Variants in FGF14 observed in about 807,000 individuals in gnomAD.
FGF14 encodes fibroblast growth factor homologous factor 4.
FGF14 carries 5 observed loss-of-function variants against 25.5 expected under a neutral mutation model. The observed-to-expected ratio is 0.20, with a 90% confidence interval of 0.10 to 0.41. FGF14 has a LOEUF of 0.41. FGF14 is among the 10% of genes least tolerant of loss of function. The pLI is 1.00. For synonymous variants in FGF14, 138 were observed against 118.3 expected, an observed-to-expected ratio of 1.17 and a Z score of -1.08; for missense variants, 222 against 320.1, an observed-to-expected ratio of 0.69 and a Z score of 2.34.
intron 1 of FGF14, among the ~76,000 whole-genome samples, chr13:102,358,047 G>GA (rs1214769993): frequency 1.3e-5 from 2 of 151,974 alleles, no homozygotes; most frequent in African/African-American, 4.8e-5. Context: ...CTCACATCAG[G>GA]AAAATCTTAT....
chr13:101,871,014 G>T (rs1238030779), intron 2 of FGF14, among the ~76,000 whole-genome samples: 2 of 148,102 alleles, frequency 1.4e-5, no homozygotes, highest in Admixed American at 1.4e-4. Flanking sequence ...ATAAAACAAG[G>T]TATTATAATT....
intron 1 of FGF14, among the ~76,000 whole-genome samples, chr13:101,986,463 G>A (rs546976382): frequency 1.3e-5 from 2 of 152,188 alleles, no homozygotes; most frequent in African/African-American, 4.8e-5. Flanking sequence ...TATCCAAGCT[G>A]TACCCCAGGG....
intron 1 of FGF14, among the ~76,000 whole-genome samples, chr13:102,011,925 C>T (rs572203571): frequency 6.6e-6 from 1 of 152,292 alleles, no homozygotes; most frequent in African/African-American, 2.4e-5. Context: ...CCATCTTCAG[C>T]GATCACTCAT....
chr13:101,813,087 T>C (rs570076866), intron 3 of FGF14, among the ~76,000 whole-genome samples: 1 of 152,202 alleles, frequency 6.6e-6, no homozygotes, highest in Non-Finnish European at 1.5e-5. Context: ...GTGAAGTTCA[T>C]GGCAAAACCA....
intron 1 of FGF14, among the ~76,000 whole-genome samples, chr13:102,053,876 G>T (rs1207369441): frequency 6.6e-6 from 1 of 152,076 alleles, no homozygotes; most frequent in African/African-American, 2.4e-5. Flanking sequence ...TTACTGAACT[G>T]TAAGTTCTGG....
chr13:102,100,194 C>G (rs1054765594), intron 1 of FGF14, among the ~76,000 whole-genome samples: 2 of 152,122 alleles, frequency 1.3e-5, no homozygotes, highest in African/African-American at 2.4e-5. Flanking sequence ...ACCCTCGAGA[C>G]CTAGCCATGA....
chr13:101,788,828 T>C (rs1296719663), intron 3 of FGF14, among the ~76,000 whole-genome samples: 3 of 142,772 alleles, frequency 2.1e-5, no homozygotes, highest in South Asian at 2.3e-4. Context: ...CTTCCTGATT[T>C]AAGAGAAATC....
At chr13:102,193,869 C>T (rs1005758936) in intron 1 of FGF14, among the ~76,000 whole-genome samples, 1 of 146,648 alleles carries the variant, frequency 6.8e-6, no homozygotes, top group African/African-American at 2.6e-5. Context: ...GGGAATATGG[C>T]CCCAAAACAA....
chr13:101,788,554 G>C (rs1157973623), intron 3 of FGF14, among the ~76,000 whole-genome samples: 2 of 152,052 alleles, frequency 1.3e-5, no homozygotes, highest in Non-Finnish European at 2.9e-5. Context: ...TGTTGTAAGA[G>C]AGACAAATTC....
At chr13:101,927,717 T>C (rs1166874735) in intron 1 of FGF14, among the ~76,000 whole-genome samples, 1 of 152,154 alleles carries the variant, frequency 6.6e-6, no homozygotes, top group African/African-American at 2.4e-5. Flanking sequence ...GTCAACGATG[T>C]GCACAGGCTC....
intron 3 of FGF14, among the ~76,000 whole-genome samples, chr13:101,737,357 C>A (rs575571039): frequency 1.1e-3 from 168 of 152,036 alleles, no homozygotes; most frequent in African/African-American, 3.7e-3. Flanking sequence ...TTATGTCCAA[C>A]GAAAAAGTGA....
chr13:102,021,318 C>T (rs2040639221), intron 1 of FGF14, among the ~76,000 whole-genome samples: 1 of 151,966 alleles, frequency 6.6e-6, no homozygotes, highest in South Asian at 2.1e-4. Context: ...TCATTTTGAG[C>T]TAAGTAGAGG....
At chr13:101,933,089 A>C (rs1715061952) in intron 1 of FGF14, among the ~76,000 whole-genome samples, 1 of 152,218 alleles carries the variant, frequency 6.6e-6, no homozygotes, top group African/African-American at 2.4e-5. Flanking sequence ...AAGATGACTG[A>C]ATTAATTTCA....
At chr13:102,394,023 C>G (rs1024789534) in intron 1 of FGF14, among the ~76,000 whole-genome samples, 1 of 152,198 alleles carries the variant, frequency 6.6e-6, no homozygotes, top group African/African-American at 2.4e-5. Flanking sequence ...AGAGCTGGGG[C>G]TGATCTGGGA....
At chr13:102,337,913 T>A (rs1213927055) in intron 1 of FGF14, among the ~76,000 whole-genome samples, 1 of 152,232 alleles carries the variant, frequency 6.6e-6, no homozygotes, top group African/African-American at 2.4e-5. Context: ...TTTGCGCATT[T>A]GACTGAATAC....
chr13:102,039,855 A>T (rs1425927232), intron 1 of FGF14, among the ~76,000 whole-genome samples: 2 of 152,104 alleles, frequency 1.3e-5, no homozygotes, highest in African/African-American at 2.4e-5. Flanking sequence ...CAGTCAGAGA[A>T]ATCCATCCTC....
rs942688107 is a variant in FGF14 at position 102,296,167 on chromosome 13, T to A, written c.208+105304A>T. Among the ~76,000 whole-genome samples, 11 of 152,266 alleles carry A rather than the reference T, an allele frequency of 7.2e-5. 1 individual carries two copies. The highest frequency in any genetic ancestry group is 2.4e-4 in the African/African-American group (10 of 41,558). On this transcript the variant is annotated intron_variant, in intron 1 of 4. Coordinates refer to the FGF14 transcript ENST00000376131. ...AGGTAAAATGAAGTTGGTGTGACAT[T>A]TCTCATCATGTCTCCCAGGCCCACA...
intron 1 of FGF14, among the ~76,000 whole-genome samples, chr13:102,357,196 G>C (rs1045438634): frequency 1.3e-5 from 2 of 151,088 alleles, no homozygotes; most frequent in Non-Finnish European, 2.9e-5. Context: ...AAGGACACCA[G>C]GTTGCACACC....
intron 1 of FGF14, among the ~76,000 whole-genome samples, chr13:102,131,550 T>C (rs1203844894): frequency 6.6e-6 from 1 of 152,176 alleles, no homozygotes; most frequent in Non-Finnish European, 1.5e-5. Context: ...TCATGTTATC[T>C]GGCCTGAAAT....
Sources: gnomAD v4.1 joint callset for allele counts (sites outside exome capture counted in the v4.1 genomes callset) on GRCh38, gnomAD v4.1.1 for gene constraint, MANE v1.5 for transcripts, NCBI Gene and HGNC (gene_info 2026-07-23, HGNC 2026-07-21) for gene names.